Variants in BEST3 observed in about 807,000 individuals in gnomAD.
The protein encoded by BEST3 is bestrophin 3, also known as bestrophin-3.
In BEST3, 50 loss-of-function variants were observed where a neutral mutation model predicts 47.1. The ratio of observed to expected loss-of-function variants is 1.06; its 90% CI spans 0.85 to 1.34. BEST3 has a LOEUF of 1.34. Ranked by LOEUF, BEST3 falls within the 40% of genes most tolerant of loss-of-function variation. The pLI is 0.00. For missense variants in BEST3, 765 were observed against 817.0 expected, an observed-to-expected ratio of 0.94 and a Z score of 0.78; for synonymous variants, 282 against 298.8, an observed-to-expected ratio of 0.94 and a Z score of 0.58.
intron 9 of BEST3, among the ~76,000 whole-genome samples, chr12:69,658,255 T>A (rs1210268152): frequency 6.6e-6 from 1 of 152,178 alleles, no homozygotes; most frequent in Non-Finnish European, 1.5e-5. Context: ...GGAAAAAAGT[T>A]TATATTTTTA....
chr12:69,687,657 G>A (rs1283764907), intron 4 of BEST3, among the ~76,000 whole-genome samples: 1 of 66,512 alleles, frequency 1.5e-5, no homozygotes, highest in Non-Finnish European at 3.1e-5. Context: ...GAGTGAGAAC[G>A]TGTCTCAAAA....
chr12:69,646,196 C>T (rs1478354596), intron 9 of BEST3, among the ~76,000 whole-genome samples: 1 of 152,126 alleles, frequency 6.6e-6, no homozygotes, highest in East Asian at 1.9e-4. Flanking sequence ...TCTCAGCCTC[C>T]CAAGGTGTTG....
chr12:69,679,545 G>C (rs552712768), intron 4 of BEST3, among the ~76,000 whole-genome samples: 1 of 152,272 alleles, frequency 6.6e-6, no homozygotes, highest in East Asian at 1.9e-4. Context: ...CGTCCCCATA[G>C]CATTTTGCAC....
In BEST3 at chr12:69,694,462, A is replaced by G; in HGVS notation, c.155T>C (p.Leu52Ser). Residue 52 changes from leucine (L) to serine (S), a missense_variant and splice_region_variant, in exon 3 of 10, where the codon TTG becomes TCG. Coordinates refer to ENST00000330891, the MANE Select transcript of BEST3 (RefSeq NM_032735.3). ...ACGTTTTTGGACTCCTGTAAGTAAC[A>G]ATCTGGAGCAAAAATAAAATGCACA... Reference protein sequence around the residue: ...LYTAISLVYRLLLTGVQKRYF... With the variant: ...LYTAISLVYRSLLTGVQKRYF... 6.3e-7 allele frequency: 1 copy of G among 1,575,224 alleles called. No individual in the cohort carries two copies. The highest frequency in any genetic ancestry group is 8.7e-7 in the Non-Finnish European group (1 of 1,152,016).
chr12:69,654,267 A>C lies in BEST3; in HGVS notation c.*640T>G. ...CACAACCAGGGAGAAGGGAAGGGAAAAAAAGGATGACAGAATAAAAGGAAA... is the reference window on the plus strand; with the variant it reads ...CACAACCAGGGAGAAGGGAAGGGAACAAAAGGATGACAGAATAAAAGGAAA... On this transcript the variant is annotated 3_prime_UTR_variant, in exon 10 of 10. Transcript: ENST00000330891. The C allele has an allele frequency of 1.0e-6, 1 of 985,138 alleles. No homozygotes were observed. The highest frequency in any genetic ancestry group is 1.2e-6 in the Non-Finnish European group (1 of 829,622). The allele number at this position is 985,138 out of a possible 1,614,324, so 61.0% of individuals were successfully genotyped here.
At chr12:69,693,214 CT>C (rs1478819155) in intron 4 of BEST3, among the ~76,000 whole-genome samples, 2 of 149,022 alleles carry the variant, frequency 1.3e-5, no homozygotes, top group African/African-American at 4.9e-5. Context: ...GTTTCTTTTT[CT>C]TTTCTTTCCT....
downstream of BEST3, among the ~76,000 whole-genome samples, chr12:69,653,055 G>A (rs1295246329): frequency 6.6e-6 from 1 of 152,170 alleles, no homozygotes; most frequent in African/African-American, 2.4e-5. Context: ...TGTCATTGTT[G>A]TCATGCAGCT....
chr12:69,687,135 T>C (rs1885661460), intron 4 of BEST3: 1 of 152,254 alleles, frequency 6.6e-6, no homozygotes, highest in Non-Finnish European at 1.5e-5. Context: ...AAGCAGTAAG[T>C]GACCCAGACC....
chr12:69,668,818 G>A (rs1480544072), intron 9 of BEST3, among the ~76,000 whole-genome samples: 2 of 152,200 alleles, frequency 1.3e-5, no homozygotes, highest in Non-Finnish European at 2.9e-5. Flanking sequence ...AGCCCAGTCA[G>A]TCATAGCAAA....
At chr12:69,662,329 C>T (rs544903664) in intron 9 of BEST3, among the ~76,000 whole-genome samples, 3 of 152,140 alleles carry the variant, frequency 2.0e-5, no homozygotes, top group African/African-American at 4.8e-5. Context: ...TATCAGACTA[C>T]GTATTTTCTT....
intron 2 of BEST3, among the ~76,000 whole-genome samples, chr12:69,696,687 C>T (rs1222572292): frequency 2.0e-5 from 3 of 152,144 alleles, no homozygotes; most frequent in African/African-American, 7.2e-5. Flanking sequence ...CAGTCAACTA[C>T]ATTAATATCC....
In BEST3 at chr12:69,655,292, T is replaced by C. The variant is rs1883394190; in HGVS notation, c.1622A>G (p.Gln541Arg). The change falls in exon 10 of 10, where the codon CAG becomes CGG. Residue 541 changes from glutamine to arginine, a missense_variant. By Grantham distance (43) the Gln-to-Arg change is conservative. Coordinates refer to ENST00000330891, the MANE Select transcript of BEST3 (RefSeq NM_032735.3). ...GATGGATCCCATGGGGCCCTGCTGC[T>C]GCTCAGTCTTGCTTGGCTGAACCCC... ...FTGVQPSKTE[Q>R]QQGPMGSILS... The C allele has an allele frequency of 6.2e-7, 1 of 1,614,204 alleles. No individual in the cohort carries two copies. Among genetic ancestry groups the C allele is most frequent in the East Asian group, 2.2e-5 (1 of 44,882 alleles).
In BEST3 at chr12:69,655,417, C is replaced by T; in HGVS notation, c.1497G>A (p.Leu499=). Residue 499 remains leucine, a synonymous_variant, in exon 10 of 10, where the codon CTG becomes CTA. Transcript: ENST00000330891. The part of the protein sequence containing the change: ...SVRTSPIKMP[L]VPEVLITAAE... The stretch of plus-strand genomic sequence containing the variant: ...CTGCTGTGATCAATACCTCAGGTAC[C>T]AGTGGCATTTTGATGGGGGAAGTTC... 1 of 1,614,124 alleles carries T rather than the reference C, an allele frequency of 6.2e-7. No homozygotes were observed. Among genetic ancestry groups the T allele is most frequent in the Non-Finnish European group, 8.5e-7 (1 of 1,180,014 alleles).
intron 9 of BEST3, chr12:69,670,452 T>C (rs1884492186): frequency 1.4e-6 from 1 of 702,742 alleles, no homozygotes; most frequent in Admixed American, 2.0e-5. Context: ...ACTTTCAGTC[T>C]TCCTTTTCTT....
chr12:69,681,008 AGTT>A (rs1885225401), intron 4 of BEST3, among the ~76,000 whole-genome samples: 1 of 151,886 alleles, frequency 6.6e-6, no homozygotes, highest in Non-Finnish European at 1.5e-5. Context: ...AAGACATTTA[AGTT>A]GTTTTTTATT....
intron 9 of BEST3, among the ~76,000 whole-genome samples, chr12:69,667,328 C>T (rs1218812367): frequency 2.0e-5 from 3 of 152,086 alleles, no homozygotes; most frequent in Non-Finnish European, 4.4e-5. Flanking sequence ...GCTCTTCACT[C>T]TTGTCGCCCA....
At chr12:69,664,367 C>G (rs1373143307) in intron 9 of BEST3, among the ~76,000 whole-genome samples, 3 of 152,102 alleles carry the variant, frequency 2.0e-5, no homozygotes, top group African/African-American at 7.2e-5. Context: ...GGCACCATCT[C>G]CCCCTCTCCC....
rs767876879 is a variant in BEST3, at chr12:69,677,241, C to T, written c.653G>A (p.Arg218His). Residue 218 changes from arginine to histidine, a missense_variant, in exon 6 of 10, where the codon CGC (arginine) becomes CAC (histidine). Physicochemically the swap from Arg to His is conservative, Grantham distance 29 (BLOSUM62 0). Coordinates refer to ENST00000330891, the MANE Select transcript of BEST3 (RefSeq NM_032735.3). ...QSLMTEMNRY[R>H]SWCSLLFGYD... is the part of the protein sequence containing the mutation. ...ACCGAATAAGAGGCTGCACCAAGAG[C>T]GGTATCGATTCATTTCCTAAGCCAG... The T allele has an allele frequency of 1.1e-5, 17 of 1,612,454 alleles. No homozygotes were observed. The highest frequency in any genetic ancestry group is 6.7e-5 in the East Asian group (3 of 44,824).
At chr12:69,643,883 T>G (rs1270155037) in intron 9 of BEST3, 2 of 552,686 alleles carry the variant, frequency 3.6e-6, no homozygotes, top group East Asian at 6.2e-5. Flanking sequence ...TGAATTCACA[T>G]AGGCCACCAC....
Sources: allele counts gnomAD v4.1 joint callset (sites outside exome capture counted in the v4.1 genomes callset), GRCh38; gene constraint gnomAD v4.1.1; transcripts MANE v1.5; gene names NCBI Gene and HGNC (gene_info 2026-07-23, HGNC 2026-07-21).